Variants in MSN observed in about 807,000 individuals in gnomAD.
The protein encoded by MSN is moesin.
In MSN, 2 loss-of-function variants were observed where a neutral mutation model predicts 48.0. That is an observed-to-expected ratio of 0.04 (90% CI 0.02 to 0.13). The LOEUF (loss-of-function observed/expected upper bound fraction) is 0.13, where lower values mean the gene tolerates loss of function less well. Among genes scored for constraint, MSN ranks in the 10% least tolerant of loss-of-function variants. The pLI, the probability that MSN is intolerant of heterozygous loss-of-function variation, is 1.00. For synonymous variants in MSN, 146 were observed against 166.9 expected, an observed-to-expected ratio of 0.87 and a Z score of 0.97; for missense variants, 267 against 470.1, an observed-to-expected ratio of 0.57 and a Z score of 3.99.
intron 1 of MSN, among the ~76,000 whole-genome samples, chrX:65,693,636 A>G (rs2071198143): frequency 8.9e-6 from 1 of 112,024 alleles, no homozygotes; most frequent in African/African-American, 3.2e-5. Context: ...AAGAGAAAGG[A>G]GGGTGGTAGT....
At chrX:65,730,617 C>T (rs2071613153) in intron 4 of MSN, among the ~76,000 whole-genome samples, 1 of 110,037 alleles carries the variant, frequency 9.1e-6, no homozygotes, top group Non-Finnish European at 1.9e-5. Flanking sequence ...GGAGGTTGGG[C>T]CTGTTGGTTT....
rs149195637 is a variant in MSN, at chrX:65,643,726, G to A, written c.-22+55114G>A. Among the ~76,000 whole-genome samples the A allele has an allele frequency of 6.4e-3, 716 of 111,490 alleles. 8 individuals carry two copies. Among genetic ancestry groups the A allele is most frequent in the African/African-American group, 0.022 (691 of 30,743 alleles). On this transcript the variant is annotated intron_variant, in intron 1 of 3. Transcript: ENST00000609672. ...TCTAGTTTGAGGGAGAAGAAAAAGG[G>A]GCTGGATTAGCTTCTTGGTCCCCTG...
At chrX:65,708,089 G>C (rs369856209) in intron 1 of MSN, among the ~76,000 whole-genome samples, 2 of 110,149 alleles carry the variant, frequency 1.8e-5, no homozygotes, top group South Asian at 3.9e-4. Context: ...GCTTCAAGCT[G>C]TCCTCCCACC....
intron 1 of MSN, among the ~76,000 whole-genome samples, chrX:65,694,082 A>C (rs918025283): frequency 9.1e-5 from 10 of 110,455 alleles, no homozygotes; most frequent in South Asian, 3.9e-4. Flanking sequence ...AAACAAAAAA[A>C]AAAAACAAAA....
At chrX:65,703,572 T>G (rs1365849143) in intron 1 of MSN, among the ~76,000 whole-genome samples, 1 of 107,667 alleles carries the variant, frequency 9.3e-6, no homozygotes, top group South Asian at 4.0e-4. Flanking sequence ...TTGTTTTTTG[T>G]TTTTTTTTGA....
At chrX:65,664,704 C>T (rs190591816), upstream of MSN, among the ~76,000 whole-genome samples, 10 of 105,693 alleles carry the variant, frequency 9.5e-5, no homozygotes, top group East Asian at 2.1e-3. Context: ...CTTAGCTCCC[C>T]GAGCCTCTGA....
chrX:65,670,895 GTTATATATAT>G (rs2070927083), intron 1 of MSN, among the ~76,000 whole-genome samples: 1 of 39,473 alleles, frequency 2.5e-5, no homozygotes, highest in Non-Finnish European at 4.2e-5. Context: ...GATGATGACA[GTTATATATAT>G]ATATATATAT....
chrX:65,634,872 G>C (rs1182432884), intron 1 of MSN, among the ~76,000 whole-genome samples: 1 of 111,129 alleles, frequency 9.0e-6, no homozygotes. Flanking sequence ...GGGGCCTTCT[G>C]TCTGTTATGG....
chrX:65,608,438 G>GGTGT (rs751542072), intron 1 of MSN, among the ~76,000 whole-genome samples: 1 of 108,163 alleles, frequency 9.2e-6, no homozygotes, highest in African/African-American at 3.3e-5. Flanking sequence ...GTGTATGTGA[G>GGTGT]GTGTGTGTGT....
chrX:65,639,503 G>A (rs1217858393), intron 1 of MSN, among the ~76,000 whole-genome samples: 2 of 111,932 alleles, frequency 1.8e-5, no homozygotes, highest in African/African-American at 3.2e-5. Flanking sequence ...AACCCAAATC[G>A]GAATCTCCCA....
chrX:65,626,981 G>A (rs1181886556), intron 1 of MSN, among the ~76,000 whole-genome samples: 1 of 111,600 alleles, frequency 9.0e-6, no homozygotes, highest in Non-Finnish European at 1.9e-5. Context: ...CTACACCCTG[G>A]AGGAGATGGG....
chrX:65,737,140 G>A (rs746575376), intron 9 of MSN, 38 bp from the exon 10 acceptor site: 1 of 1,186,208 alleles, frequency 8.4e-7, no homozygotes, highest in East Asian at 3.0e-5. Context: ...CTTTATCTCT[G>A]TGCTCTTCAC....
At chrX:65,700,082 C>G (rs976072362) in intron 1 of MSN, among the ~76,000 whole-genome samples, 1 of 111,756 alleles carries the variant, frequency 8.9e-6, no homozygotes, top group African/African-American at 3.3e-5. Context: ...TACAAGTGAG[C>G]CAGAGACCCT....
intron 10 of MSN, among the ~76,000 whole-genome samples, chrX:65,738,240 A>G (rs775985996): frequency 1.8e-5 from 2 of 112,182 alleles, no homozygotes; most frequent in African/African-American, 6.5e-5. Flanking sequence ...CCAGCTGCAT[A>G]CTTGCCAAGA....
chrX:65,612,249 C>T (rs1244899294), intron 1 of MSN, among the ~76,000 whole-genome samples: 2 of 111,002 alleles, frequency 1.8e-5, no homozygotes, highest in East Asian at 5.7e-4. Context: ...CTCTCTCTCA[C>T]CCTCTCTTGC....
In MSN at chrX:65,727,517, A is replaced by G. The variant is rs967262857; in HGVS notation, c.97-297A>G. On this transcript the variant is annotated intron_variant, in intron 2 of 12. Transcript: ENST00000360270. ...TTTTTGATATCTATAAAATGGGCCT[A>G]ATTGTAAGTCTAGCATAGGGGTATT... Among the ~76,000 whole-genome samples the G allele has an allele frequency of 3.6e-5, 4 of 111,987 alleles. No individual in the cohort carries two copies. The East Asian group carries it at 1.1e-3, about 31-fold the overall frequency.
At chrX:65,732,087 T>C in intron 6 of MSN, 103 bp downstream of exon 6, 1 of 898,710 alleles carries the variant, frequency 1.1e-6, no homozygotes, top group Non-Finnish European at 1.5e-6. Context: ...ATCTCAGTTC[T>C]TTTTCTACCT....
upstream of MSN, among the ~76,000 whole-genome samples, chrX:65,666,782 C>G (rs901352852): frequency 9.0e-6 from 1 of 111,394 alleles, no homozygotes; most frequent in Non-Finnish European, 1.9e-5. Context: ...CTTGACCAGA[C>G]GACTTCAACA....
intron 1 of MSN, among the ~76,000 whole-genome samples, chrX:65,644,695 G>A (rs1161753831): frequency 9.0e-6 from 1 of 111,539 alleles, no homozygotes; most frequent in Non-Finnish European, 1.9e-5. Context: ...AAAAGTAATA[G>A]TTCTCCTGGT....
Sources: gnomAD v4.1 joint callset for allele counts (sites outside exome capture counted in the v4.1 genomes callset) on GRCh38, gnomAD v4.1.1 for gene constraint, MANE v1.5 for transcripts, NCBI Gene and HGNC (gene_info 2026-07-23, HGNC 2026-07-21) for gene names.